The following TMEM170B variants were observed in gnomAD, a reference collection of about 807,000 sequenced individuals.
TMEM170B encodes transmembrane protein 170B.
A neutral mutation model predicts 13.0 loss-of-function variants in TMEM170B; 6 were observed. The ratio of observed to expected loss-of-function variants is 0.46; its 90% CI spans 0.25 to 0.91. The LOEUF is 0.91. Ranked by LOEUF, TMEM170B falls within the 40% of genes least tolerant of loss-of-function variation. The pLI is 0.17. For missense variants in TMEM170B, 138 were observed against 165.2 expected, an observed-to-expected ratio of 0.84 and a Z score of 0.90; for synonymous variants, 61 against 64.9, an observed-to-expected ratio of 0.94 and a Z score of 0.29.
intron 1 of TMEM170B, among the ~76,000 whole-genome samples, chr6:11,562,495 A>G (rs1330063210): frequency 6.6e-6 from 1 of 151,634 alleles, no homozygotes; most frequent in Non-Finnish European, 1.5e-5. Context: ...TTCAAATTGC[A>G]TGAGTCCATT....
intron 1 of TMEM170B, among the ~76,000 whole-genome samples, chr6:11,555,400 T>C (rs564490859): frequency 6.6e-5 from 10 of 152,314 alleles, no homozygotes; most frequent in African/African-American, 2.2e-4. Context: ...TTTGTTGTTT[T>C]TTGGTTCTTG....
intron 1 of TMEM170B, among the ~76,000 whole-genome samples, chr6:11,541,900 T>C (rs1449407044): frequency 6.6e-6 from 1 of 152,200 alleles, no homozygotes. Context: ...GACTGAGGAA[T>C]GGCTGGTTGG....
At position 11,538,683 on chromosome 6, in the gene TMEM170B, T is replaced by C. The variant is rs554027475; in HGVS notation, c.97+309T>C. ...CGCGGAGTAGCTTTAGTGCTGAGAC[T>C]TGAGCGCATTTCGCTTTTATTCCAT... On this transcript the variant is annotated intron_variant, in intron 1 of 2. Transcript: ENST00000379426. 6.6e-4 allele frequency among the ~76,000 whole-genome samples: 100 copies of C among 152,338 alleles called. No homozygotes were observed. The East Asian group carries it at 7.3e-3, about 11-fold the overall frequency.
chr6:11,561,074 G>A (rs1206956117), intron 1 of TMEM170B, among the ~76,000 whole-genome samples: 10 of 152,138 alleles, frequency 6.6e-5, no homozygotes, highest in Non-Finnish European at 1.2e-4. Context: ...CAAAATTAAG[G>A]TGAGGATTAT....
chr6:11,573,887 T>C (rs1325526320), intron 2 of TMEM170B, among the ~76,000 whole-genome samples: 2 of 152,202 alleles, frequency 1.3e-5, no homozygotes, highest in Non-Finnish European at 2.9e-5. Flanking sequence ...AAGAATGTCA[T>C]CTAATCCTAA....
At chr6:11,544,243 A>G (rs930986667) in intron 1 of TMEM170B, among the ~76,000 whole-genome samples, 7 of 152,176 alleles carry the variant, frequency 4.6e-5, no homozygotes, top group African/African-American at 1.7e-4. Context: ...CCAAAATCCT[A>G]AACTTTTTGA....
Position 11,577,885 on chromosome 6 carries a change from A to G in TMEM170B, c.*2324A>G, listed in dbSNP as rs1759900844. On this transcript the variant is annotated 3_prime_UTR_variant, in exon 3 of 3. Coordinates refer to ENST00000379426, the MANE Select transcript of TMEM170B (RefSeq NM_001100829.3). ...AGTTATTTCCATTGAGATTTTGTGC[A>G]ACTGTCTCTCTTTTGATGTTTTGAG... 6.6e-6 allele frequency: 1 copy of G among 152,096 alleles called. No individual in the cohort carries two copies. Among genetic ancestry groups the G allele is most frequent in the Non-Finnish European group, 1.5e-5 (1 of 67,970 alleles). 9.4% of individuals were successfully genotyped at this position (152,096 alleles called of 1,614,324 possible).
intron 1 of TMEM170B, among the ~76,000 whole-genome samples, chr6:11,559,451 G>T (rs1277719110): frequency 6.6e-6 from 1 of 152,052 alleles, no homozygotes; most frequent in Non-Finnish European, 1.5e-5. Flanking sequence ...CTCCCAAACT[G>T]CTGGGATTAC....
intron 1 of TMEM170B, among the ~76,000 whole-genome samples, chr6:11,547,268 C>G (rs763091033): frequency 4.6e-5 from 7 of 152,052 alleles, no homozygotes; most frequent in Non-Finnish European, 8.8e-5. Flanking sequence ...TGGAATTGTT[C>G]ACATTCATAC....
At chr6:11,571,796 G>T (rs1408073514) in intron 2 of TMEM170B, among the ~76,000 whole-genome samples, 1 of 152,022 alleles carries the variant, frequency 6.6e-6, no homozygotes, top group Non-Finnish European at 1.5e-5. Context: ...ATTGTAAAAA[G>T]ATTAATATCT....
At position 11,581,311 on chromosome 6, in the gene TMEM170B, A is replaced by G. The variant is rs1759953322; in HGVS notation, c.*5750A>G. Reference sequence around the variant, plus strand: ...AGATGTCGTATGTTATAGTTTAAACATATGTACAATTTGTTGATAGAATCC... The same window carrying G: ...AGATGTCGTATGTTATAGTTTAAACGTATGTACAATTTGTTGATAGAATCC... On this transcript the variant is annotated 3_prime_UTR_variant, in exon 3 of 3. Transcript: ENST00000379426. The G allele has an allele frequency of 6.6e-6, 1 of 152,220 alleles. No homozygotes were observed. Among genetic ancestry groups the G allele is most frequent in the Admixed American group, 6.5e-5 (1 of 15,286 alleles). 9.4% of individuals were successfully genotyped at this position (152,220 alleles called of 1,614,324 possible).
intron 1 of TMEM170B, among the ~76,000 whole-genome samples, chr6:11,549,267 T>A (rs1192580004): frequency 6.6e-6 from 1 of 152,176 alleles, no homozygotes; most frequent in African/African-American, 2.4e-5. Flanking sequence ...TTATTTAAAA[T>A]ATGTGATATC....
Position 11,538,346 on chromosome 6 carries a change from C to A in TMEM170B, c.69C>A (p.Ala23=), listed in dbSNP as rs1157617002. 1 of 1,509,136 alleles carries A rather than the reference C, an allele frequency of 6.6e-7. No individual in the cohort carries two copies. The highest frequency in any genetic ancestry group is 2.8e-5 in the East Asian group (1 of 35,554). 93.5% of individuals were successfully genotyped at this position (1,509,136 alleles called of 1,614,324 possible). The change falls in exon 1 of 3, where the codon GCC becomes GCA. Residue 23 remains alanine (A), a synonymous_variant. Transcript: ENST00000379426. ...TGCAGCAGGTCCTGAGCCTCTGGGC[C>A]CACGGGACGGTGCTGAGGAACCTCA... ...LSVQQVLSLW[A]HGTVLRNLTE...
rs1372038058 is a variant in TMEM170B at position 11,581,676 on chromosome 6, TTC to T, written c.*6117_*6118del. On this transcript the variant is annotated 3_prime_UTR_variant, in exon 3 of 3. Transcript: ENST00000379426. ...AAAAATCACCACTTTAAAAATTTTA[TTC>T]TGTCTTGCTGAATTAAGCAGAAATC... is the stretch of plus-strand genomic sequence containing the variant. 6.6e-6 allele frequency: 1 copy of T among 152,232 alleles called. No individual in the cohort carries two copies. 9.4% of individuals were successfully genotyped at this position (152,232 alleles called of 1,614,324 possible).
At chr6:11,556,709 C>T (rs927524960) in intron 1 of TMEM170B, among the ~76,000 whole-genome samples, 1 of 152,032 alleles carries the variant, frequency 6.6e-6, no homozygotes, top group Non-Finnish European at 1.5e-5. Context: ...GGTCCTGGGT[C>T]CTGGATGGTT....
At chr6:11,569,455 T>A (rs550359241) in intron 2 of TMEM170B, among the ~76,000 whole-genome samples, 2 of 152,332 alleles carry the variant, frequency 1.3e-5, no homozygotes, top group African/African-American at 4.8e-5. Context: ...TTAATTCACC[T>A]GTAGCAGGAA....
intron 1 of TMEM170B, among the ~76,000 whole-genome samples, chr6:11,553,776 C>T (rs1272448254): frequency 6.6e-6 from 1 of 152,148 alleles, no homozygotes; most frequent in Admixed American, 6.5e-5. Context: ...AGTGGGACTT[C>T]TTCAGACTTT....
intron 1 of TMEM170B, among the ~76,000 whole-genome samples, chr6:11,565,114 G>T (rs1371263852): frequency 6.6e-6 from 1 of 151,920 alleles, no homozygotes; most frequent in African/African-American, 2.4e-5. Context: ...AAAAGTTCTG[G>T]ATAAGGAACA....
chr6:11,563,049 G>T (rs895462908), intron 1 of TMEM170B, among the ~76,000 whole-genome samples: 1 of 151,858 alleles, frequency 6.6e-6, no homozygotes, highest in Admixed American at 6.6e-5. Context: ...AAGCATACTC[G>T]CTGTTGACTG....
Sources: allele counts gnomAD v4.1 joint callset (sites outside exome capture counted in the v4.1 genomes callset), GRCh38; gene constraint gnomAD v4.1.1; transcripts MANE v1.5; gene names NCBI Gene and HGNC (gene_info 2026-07-23, HGNC 2026-07-21).